Variants in GALK2 observed in about 807,000 individuals in gnomAD.
The protein encoded by GALK2 is galactokinase 2.
Under a neutral mutation model 52.4 loss-of-function variants are expected in GALK2, and 36 were observed. The ratio of observed to expected loss-of-function variants is 0.69; its 90% CI spans 0.53 to 0.91. GALK2 has a LOEUF of 0.91. GALK2 is among the 40% of genes least tolerant of loss of function. GALK2 has a pLI of 0.00. For synonymous variants in GALK2, 176 were observed against 199.1 expected, an observed-to-expected ratio of 0.88 and a Z score of 0.98; for missense variants, 579 against 559.1, an observed-to-expected ratio of 1.04 and a Z score of -0.36.
intron 2 of GALK2, among the ~76,000 whole-genome samples, chr15:49,206,855 C>T (rs1172607308): frequency 6.6e-6 from 1 of 152,148 alleles, no homozygotes; most frequent in East Asian, 1.9e-4. Context: ...ATTGCTCTGG[C>T]TAGGACCTCC....
chr15:49,212,168 C>G (rs2088963717), intron 2 of GALK2, among the ~76,000 whole-genome samples: 1 of 152,216 alleles, frequency 6.6e-6, no homozygotes, highest in Non-Finnish European at 1.5e-5. Context: ...TCTCAACTCA[C>G]TGCAACCTCC....
chr15:49,289,418 C>G (rs1397381376), intron 7 of GALK2, among the ~76,000 whole-genome samples: 24 of 152,168 alleles, frequency 1.6e-4, no homozygotes, highest in Non-Finnish European at 4.4e-5. Context: ...GATGAGAATT[C>G]TTCATGAATA....
chr15:49,348,341 T>G (rs1397631197), intron 3 of GALK2, among the ~76,000 whole-genome samples: 1 of 152,108 alleles, frequency 6.6e-6, no homozygotes, highest in African/African-American at 2.4e-5. Flanking sequence ...GTTCCCTAGC[T>G]CTCTGCTTGA....
intron 5 of GALK2, among the ~76,000 whole-genome samples, chr15:49,263,045 G>A (rs1478794897): frequency 7.2e-6 from 1 of 139,202 alleles, no homozygotes; most frequent in Non-Finnish European, 1.5e-5. Context: ...TGTATATTCT[G>A]TTGATTTGGG....
chr15:49,276,538 G>T (rs1021696945), intron 5 of GALK2, among the ~76,000 whole-genome samples: 6 of 152,292 alleles, frequency 3.9e-5, no homozygotes, highest in African/African-American at 1.4e-4. Context: ...ATTTAAGTAG[G>T]TATGGAGTAT....
At chr15:49,324,395 C>A (rs2037153688) in intron 9 of GALK2, among the ~76,000 whole-genome samples, 1 of 1,914 alleles carries the variant, frequency 5.2e-4, no homozygotes, top group Non-Finnish European at 1.4e-3. Flanking sequence ...ACATGCATAC[C>A]CTGTCAAAAA....
In GALK2 at chr15:49,328,642, C is replaced by T; in HGVS notation, c.*483C>T. ...GATGATGATGATGACGATAGTGATG[C>T]CACACATTCTCTCTCAATTTCAGCT... On this transcript the variant is annotated 3_prime_UTR_variant, in exon 10 of 10. Coordinates refer to ENST00000560031, the MANE Select transcript of GALK2 (RefSeq NM_002044.4). 3 of 1,575,538 alleles carry T rather than the reference C, an allele frequency of 1.9e-6. No individual in the cohort carries two copies. Among genetic ancestry groups the T allele is most frequent in the Non-Finnish European group, 2.6e-6 (3 of 1,157,170 alleles).
At chr15:49,300,626 T>A (rs1202574114) in intron 8 of GALK2, among the ~76,000 whole-genome samples, 1 of 152,122 alleles carries the variant, frequency 6.6e-6, no homozygotes, top group Non-Finnish European at 1.5e-5. Flanking sequence ...GGTAATTGAA[T>A]CACGGTGCCA....
intron 4 of GALK2, among the ~76,000 whole-genome samples, chr15:49,238,633 A>G (rs1261535235): frequency 1.3e-5 from 2 of 152,148 alleles, no homozygotes; most frequent in Non-Finnish European, 2.9e-5. Flanking sequence ...CCTATGTGTC[A>G]TCTTGGGAAA....
chr15:49,209,896 G>C (rs947386517), intron 2 of GALK2, among the ~76,000 whole-genome samples: 1 of 152,164 alleles, frequency 6.6e-6, no homozygotes. Context: ...TTGCAAGTCT[G>C]AAAAGAATTG....
At chr15:49,228,455 A>G (rs2090264540) in intron 3 of GALK2, among the ~76,000 whole-genome samples, 1 of 150,912 alleles carries the variant, frequency 6.6e-6, no homozygotes, top group Admixed American at 6.6e-5. Context: ...TTATTTCAAA[A>G]GAGCTATCTT....
chr15:49,299,012 T>A (rs2034726701), intron 8 of GALK2, among the ~76,000 whole-genome samples: 1 of 152,166 alleles, frequency 6.6e-6, no homozygotes, highest in African/African-American at 2.4e-5. Context: ...TTTGGTAGAA[T>A]TTGGCTGTGA....
chr15:49,319,556 G>A (rs893644211), intron 8 of GALK2, 48 bp from the exon 9 acceptor site: 1 of 1,505,534 alleles, frequency 6.6e-7, no homozygotes, highest in Non-Finnish European at 9.2e-7. Flanking sequence ...ATACTGGGTT[G>A]TCCAGTAACT....
intron 5 of GALK2, among the ~76,000 whole-genome samples, chr15:49,249,913 C>T (rs1019413419): frequency 1.1e-4 from 17 of 152,298 alleles, no homozygotes; most frequent in Middle Eastern, 3.4e-3. Context: ...CAAGTTACTT[C>T]CTCCTTCCTT....
intron 8 of GALK2, among the ~76,000 whole-genome samples, chr15:49,299,764 TTTCTTTCTTTCTTTCTTTC>T (rs2034903134): frequency 8.2e-6 from 1 of 121,548 alleles, no homozygotes; most frequent in Non-Finnish European, 1.8e-5. Context: ...TCTTTCTTTC[TTTCTTTCTTTCTTTCTTTC>T]TTTCTTTCTT....
At chr15:49,171,092 T>TG (rs1485725575) in intron 1 of GALK2, among the ~76,000 whole-genome samples, 1 of 149,066 alleles carries the variant, frequency 6.7e-6, no homozygotes, top group South Asian at 2.1e-4. Context: ...CTTTTTTTTT[T>TG]TTTTTTTGAG....
chr15:49,225,168 G>T (rs1010006960), intron 3 of GALK2: 1 of 455,358 alleles, frequency 2.2e-6, no homozygotes, highest in South Asian at 1.6e-5. Context: ...AGCCGCCTCT[G>T]ATCACTGGCA....
intron 8 of GALK2, among the ~76,000 whole-genome samples, chr15:49,294,225 C>G (rs2034247601): frequency 6.6e-6 from 1 of 151,802 alleles, no homozygotes. Context: ...AAGGAGTTAG[C>G]AACCAGCCAA....
intron 5 of GALK2, among the ~76,000 whole-genome samples, chr15:49,251,788 T>G (rs2091613403): frequency 6.6e-6 from 1 of 152,196 alleles, no homozygotes; most frequent in Non-Finnish European, 1.5e-5. Flanking sequence ...TTTTATGCTT[T>G]ATATACTTTT....
Sources: allele counts gnomAD v4.1 joint callset (sites outside exome capture counted in the v4.1 genomes callset), GRCh38; gene constraint gnomAD v4.1.1; transcripts MANE v1.5; gene names NCBI Gene and HGNC (gene_info 2026-07-23, HGNC 2026-07-21).